HUNK: variants seen among roughly 807,000 people sequenced by gnomAD.
HUNK encodes the protein hormonally up-regulated Neu-associated kinase.
HUNK carries 21 observed loss-of-function variants against 61.0 expected under a neutral mutation model. That is an observed-to-expected ratio of 0.34 (90% confidence interval 0.24 to 0.50). HUNK has a LOEUF of 0.50. HUNK is among the 20% of genes least tolerant of loss of function. The pLI is 0.98. For missense variants in HUNK, 772 were observed against 945.7 expected (o/e 0.82, Z 2.41); for synonymous variants, 371 against 386.1 (o/e 0.96, Z 0.46).
In HUNK at chr21:31,890,725, G is replaced by T. The variant is rs139020493; in HGVS notation, c.261+16790G>T. Among the ~76,000 whole-genome samples the T allele has an allele frequency of 8.1e-4, 124 of 152,202 alleles. 1 individual carries two copies. Among genetic ancestry groups the T allele is most frequent in the Non-Finnish European group, 1.6e-3 (107 of 68,012 alleles). ...ATTCCTTAACATAAATACTTGGAAG[G>T]CTTTTGACATATTGCCACATTGCAC... On this transcript the variant is annotated intron_variant, in intron 1 of 10. Coordinates refer to ENST00000270112, the MANE Select transcript of HUNK (RefSeq NM_014586.2).
intron 1 of HUNK, among the ~76,000 whole-genome samples, chr21:31,909,573 C>T (rs753399721): frequency 6.6e-6 from 1 of 152,094 alleles, no homozygotes; most frequent in Non-Finnish European, 1.5e-5. Context: ...AACAAAAAGG[C>T]GAATTTTAGC....
intron 9 of HUNK, among the ~76,000 whole-genome samples, chr21:31,990,996 G>A (rs2053168733): frequency 6.6e-6 from 1 of 152,218 alleles, no homozygotes; most frequent in African/African-American, 2.4e-5. Flanking sequence ...GGCTCTGCCA[G>A]CCCCATCCTT....
In HUNK at chr21:31,957,192, T is replaced by G. The variant is rs149962942; in HGVS notation, c.747-1651T>G. 1.4e-3 allele frequency among the ~76,000 whole-genome samples: 215 copies of G among 152,314 alleles called. 2 individuals carry two copies. The highest frequency in any genetic ancestry group is 4.9e-3 in the African/African-American group (204 of 41,562). Reference sequence around the variant, plus strand: ...GAAAGGACTGTGCTCATCTATTTGTTTGCACGTTGCTTGCCTGTCTTCTTC... The same window carrying G: ...GAAAGGACTGTGCTCATCTATTTGTGTGCACGTTGCTTGCCTGTCTTCTTC... On this transcript the variant is annotated intron_variant, in intron 4 of 10. Transcript: ENST00000270112.
At chr21:31,986,396 C>G (rs1017486590) in intron 8 of HUNK, among the ~76,000 whole-genome samples, 4 of 152,130 alleles carry the variant, frequency 2.6e-5, no homozygotes, top group Non-Finnish European at 4.4e-5. Flanking sequence ...TGGTCCCAGC[C>G]ACATCACCTC....
chr21:31,950,141 G>A (rs563792905), intron 4 of HUNK, among the ~76,000 whole-genome samples: 1 of 152,210 alleles, frequency 6.6e-6, no homozygotes, highest in South Asian at 2.1e-4. Context: ...ACAAACAGCT[G>A]GTATTTTAAA....
intron 3 of HUNK, among the ~76,000 whole-genome samples, chr21:31,945,387 T>C (rs2052795103): frequency 6.6e-6 from 1 of 152,166 alleles, no homozygotes; most frequent in East Asian, 1.9e-4. Context: ...TGAGGTCGCT[T>C]AGTCTAGTTT....
intron 5 of HUNK, among the ~76,000 whole-genome samples, chr21:31,965,114 A>G (rs1224541954): frequency 6.6e-6 from 1 of 152,224 alleles, no homozygotes; most frequent in Non-Finnish European, 1.5e-5. Flanking sequence ...ACATTCTGAA[A>G]AGCAGAGATC....
In HUNK at chr21:31,924,172, G is replaced by A. The variant is rs957932915; in HGVS notation, c.262-296G>A. 3.9e-5 allele frequency among the ~76,000 whole-genome samples: 6 copies of A among 152,120 alleles called. No individual in the cohort carries two copies. Among genetic ancestry groups the A allele is most frequent in the African/African-American group, 1.4e-4 (6 of 41,430 alleles). ...ATAAATTTGACATTAATCCTGCACT[G>A]TGCCTTCCAGACAGCCATTCAGGTT... On this transcript the variant is annotated intron_variant, in intron 1 of 10. Coordinates refer to ENST00000270112, the MANE Select transcript of HUNK (RefSeq NM_014586.2). The surrounding 1 kb of genome is among the most constrained non-coding windows in gnomAD (Gnocchi z 5.1).
At chr21:31,997,354 C>T (rs562819492) in intron 10 of HUNK, among the ~76,000 whole-genome samples, 163 of 152,296 alleles carry the variant, frequency 1.1e-3, no homozygotes, top group Non-Finnish European at 1.9e-3. Flanking sequence ...ATTCTTCCCC[C>T]GTTCAGAATT....
intron 7 of HUNK, among the ~76,000 whole-genome samples, chr21:31,975,129 T>G (rs2053039838): frequency 1.3e-5 from 2 of 152,128 alleles, no homozygotes; most frequent in South Asian, 4.1e-4. Flanking sequence ...GTATTATATA[T>G]GAGAAAGCCA....
At chr21:31,902,204 C>T (rs1421629695) in intron 1 of HUNK, among the ~76,000 whole-genome samples, 2 of 152,132 alleles carry the variant, frequency 1.3e-5, no homozygotes, top group African/African-American at 4.8e-5. Flanking sequence ...ACTTTTGGTT[C>T]ACACAGATTA....
chr21:31,908,315 G>A (rs552936050), intron 1 of HUNK, among the ~76,000 whole-genome samples: 21 of 152,196 alleles, frequency 1.4e-4, no homozygotes, highest in Admixed American at 8.5e-4. Flanking sequence ...TTATTTAGAC[G>A]ATGACCGTAA....
In HUNK at chr21:31,999,268, A is replaced by G. The variant is rs1022695206; in HGVS notation, c.*84A>G. The G allele has an allele frequency of 1.7e-5, 22 of 1,276,528 alleles. No individual in the cohort carries two copies. The highest frequency in any genetic ancestry group is 1.0e-4 in the African/African-American group (7 of 67,304). The allele number at this position is 1,276,528 out of a possible 1,614,324, so 79.1% of individuals were successfully genotyped here. On this transcript the variant is annotated 3_prime_UTR_variant, in exon 11 of 11. Coordinates refer to ENST00000270112, the MANE Select transcript of HUNK (RefSeq NM_014586.2). ...CATCTGTCAGGGTGTGAGCACTCCAAGGCCTCGCGTGGAGCATCCTTAGTC... is the reference window on the plus strand; with the variant it reads ...CATCTGTCAGGGTGTGAGCACTCCAGGGCCTCGCGTGGAGCATCCTTAGTC...
At chr21:31,883,258 A>G (rs2052322289) in intron 1 of HUNK, among the ~76,000 whole-genome samples, 1 of 152,064 alleles carries the variant, frequency 6.6e-6, no homozygotes, top group Non-Finnish European at 1.5e-5. Context: ...AACCACACCC[A>G]TCTGGTATGG....
chr21:31,907,426 T>A (rs959687740), intron 1 of HUNK, among the ~76,000 whole-genome samples: 1 of 152,332 alleles, frequency 6.6e-6, no homozygotes, highest in South Asian at 2.1e-4. Context: ...ACATGACTTA[T>A]GTGGCTTACA....
chr21:31,913,899 G>T (rs994396895), intron 1 of HUNK, among the ~76,000 whole-genome samples: 2 of 151,920 alleles, frequency 1.3e-5, no homozygotes, highest in African/African-American at 4.8e-5. Flanking sequence ...GGGAGTAGTG[G>T]GAGTGGCAGT....
At chr21:31,892,782 C>T (rs867702113) in intron 1 of HUNK, among the ~76,000 whole-genome samples, 2 of 151,994 alleles carry the variant, frequency 1.3e-5, no homozygotes, top group East Asian at 1.9e-4. Flanking sequence ...ATGATGGGGA[C>T]GCCTCTTCCG....
chr21:31,874,043 G>A (rs2052238231), intron 1 of HUNK, 108 bp downstream of exon 1: 3 of 833,164 alleles, frequency 3.6e-6, no homozygotes, highest in African/African-American at 1.8e-5. Context: ...CCCGGGCCAA[G>A]CGCCTTCCCC....
chr21:31,894,682 C>G (rs2052413696), intron 1 of HUNK, among the ~76,000 whole-genome samples: 1 of 152,162 alleles, frequency 6.6e-6, no homozygotes, highest in African/African-American at 2.4e-5. Context: ...GGTGTCCCCT[C>G]TGGGCAGCCC....
Sources: allele counts gnomAD v4.1 joint callset (sites outside exome capture counted in the v4.1 genomes callset), GRCh38; gene constraint gnomAD v4.1.1; non-coding constraint Gnocchi (gnomAD v3.1); transcripts MANE v1.5; gene names NCBI Gene and HGNC (gene_info 2026-07-23, HGNC 2026-07-21).